The following BCL11A variants were observed in gnomAD, a reference collection of about 807,000 sequenced individuals.
BCL11A encodes B cell CLL/lymphoma 11A.
In BCL11A, 2 loss-of-function variants were observed where a neutral mutation model predicts 55.9. That is an observed-to-expected ratio of 0.04 (90% CI 0.01 to 0.11). The LOEUF is 0.11. BCL11A is among the 10% of genes least tolerant of loss of function. The probability of loss-of-function intolerance (pLI) is 1.00; values close to 1 mark genes in which losing one functional copy is unlikely to be tolerated. For missense variants in BCL11A, 817 were observed against 1,137.1 expected (o/e 0.72, Z 4.05); for synonymous variants, 465 against 473.4 (o/e 0.98, Z 0.23).
At chr2:60,518,773 G>A (rs563513804) in intron 2 of BCL11A, among the ~76,000 whole-genome samples, 13 of 152,280 alleles carry the variant, frequency 8.5e-5, no homozygotes, top group Admixed American at 2.0e-4. Context: ...GGGGCCGGGC[G>A]TGGATTTTAA....
At chr2:60,536,814 G>C (rs750323649) in intron 2 of BCL11A, 1 of 152,266 alleles carries the variant, frequency 6.6e-6, no homozygotes, top group African/African-American at 2.4e-5. Flanking sequence ...CTGGTCAGCA[G>C]TGTGCAGGCA....
At chr2:60,539,690 T>C (rs1669833635) in intron 2 of BCL11A, among the ~76,000 whole-genome samples, 1 of 152,252 alleles carries the variant, frequency 6.6e-6, no homozygotes, top group Non-Finnish European at 1.5e-5. Context: ...TAAATCTGCC[T>C]TTGGTCTCTA....
chr2:60,516,269 T>C (rs913608010), intron 2 of BCL11A, among the ~76,000 whole-genome samples: 10 of 152,204 alleles, frequency 6.6e-5, no homozygotes, highest in Admixed American at 2.6e-4. Context: ...TTAAACACAA[T>C]GACCCACTCC....
At position 60,467,894 on chromosome 2, in the gene BCL11A, A is replaced by G. The variant is rs1182413428; in HGVS notation, c.487+838T>C. Among the ~76,000 whole-genome samples the G allele has an allele frequency of 1.2e-3, 29 of 23,816 alleles. No individual in the cohort carries two copies. In the East Asian group the frequency reaches 0.014, roughly 11 times the overall value. 15.6% of individuals were successfully genotyped at this position (23,816 alleles called of 152,430 possible). A position where few individuals can be genotyped will look rare whatever the true frequency, so the allele number is the denominator to read the frequency against. ...GGTGGTGATGGTGGTGGTGGTAGTG[A>G]TGGTGGTGGTAATGGTGGTGGTGGT... On this transcript the variant is annotated intron_variant, in intron 3 of 3. Coordinates refer to ENST00000642384, the MANE Select transcript of BCL11A (RefSeq NM_022893.4).
In BCL11A at chr2:60,460,837, G is replaced by A. The variant is rs1180503162; in HGVS notation, c.2075C>T (p.Ser692Leu). The A allele has an allele frequency of 6.2e-7, 1 of 1,612,586 alleles. No individual in the cohort carries two copies. Among genetic ancestry groups the A allele is most frequent in the Non-Finnish European group, 8.5e-7 (1 of 1,179,934 alleles). Residue 692 changes from serine to leucine, a missense_variant, in exon 4 of 4, where the codon TCG (serine) becomes TTG (leucine). Coordinates refer to ENST00000642384, the MANE Select transcript of BCL11A (RefSeq NM_022893.4). ...GGAGAAGCGCAAACTCCCGTTCTCCGAGGAGTGCTCCGACGAGGAGGCAAA... is the reference window on the plus strand; with the variant it reads ...GGAGAAGCGCAAACTCCCGTTCTCCAAGGAGTGCTCCGACGAGGAGGCAAA... ...SPFASSSEHS[S>L]ENGSLRFSTP...
intron 3 of BCL11A, among the ~76,000 whole-genome samples, chr2:60,463,441 C>T (rs895658417): frequency 1.3e-5 from 2 of 152,224 alleles, no homozygotes; most frequent in Non-Finnish European, 2.9e-5. Context: ...ATCCTGCGCC[C>T]TCGGCTGGGA....
chr2:60,462,602 T>G (rs1042556691), intron 3 of BCL11A, among the ~76,000 whole-genome samples, 178 bp from the exon 4 acceptor site: 1 of 152,060 alleles, frequency 6.6e-6, no homozygotes, highest in Non-Finnish European at 1.5e-5. Flanking sequence ...CAGTAAATAT[T>G]GGTCCAATTG....
At chr2:60,464,681 A>G (rs1005689178) in intron 3 of BCL11A, among the ~76,000 whole-genome samples, 2 of 152,206 alleles carry the variant, frequency 1.3e-5, no homozygotes, top group African/African-American at 4.8e-5. Flanking sequence ...TCATTGATAA[A>G]TGCCAAAATC....
At chr2:60,455,965 G>A (rs879335091), downstream of BCL11A, among the ~76,000 whole-genome samples, 2 of 151,892 alleles carry the variant, frequency 1.3e-5, no homozygotes, top group Admixed American at 1.3e-4. Context: ...TCAAGGTACC[G>A]CACGCCCACC....
At chr2:60,465,330 A>C (rs1676534974) in intron 3 of BCL11A, among the ~76,000 whole-genome samples, 1 of 152,230 alleles carries the variant, frequency 6.6e-6, no homozygotes, top group African/African-American at 2.4e-5. Context: ...AAATATAATA[A>C]TATTCTTCAT....
At chr2:60,471,486 T>C (rs533378881) in intron 2 of BCL11A, among the ~76,000 whole-genome samples, 2 of 152,350 alleles carry the variant, frequency 1.3e-5, no homozygotes, top group South Asian at 2.1e-4. Context: ...AAATTGTTAA[T>C]AGCCTCCCTA....
chr2:60,514,465 T>C (rs1668636237), intron 2 of BCL11A, among the ~76,000 whole-genome samples: 1 of 140,278 alleles, frequency 7.1e-6, no homozygotes, highest in South Asian at 2.2e-4. Context: ...AAGACCAGCC[T>C]AGCCAACATG....
intron 2 of BCL11A, chr2:60,526,661 C>G (rs1008751832): frequency 2.6e-5 from 4 of 152,144 alleles, no homozygotes; most frequent in African/African-American, 9.7e-5. Context: ...TGAAACAATA[C>G]CAAGCCTTCA....
chr2:60,489,919 A>G (rs1459236234), intron 2 of BCL11A, among the ~76,000 whole-genome samples: 1 of 152,218 alleles, frequency 6.6e-6, no homozygotes, highest in East Asian at 1.9e-4. Context: ...AAATGCTATC[A>G]TGAAACACCA....
rs1313168915 is a variant in BCL11A, at chr2:60,468,016, G to A, written c.487+716C>T. ...TAATGGTGGTGGTGGTGATGGTGGTGGTGGTGGTAGTGGTGGTGATGGTGG... is the reference window on the plus strand; with the variant it reads ...TAATGGTGGTGGTGGTGATGGTGGTAGTGGTGGTAGTGGTGGTGATGGTGG... On this transcript the variant is annotated intron_variant, in intron 3 of 3. Transcript: ENST00000642384. 1.9e-3 allele frequency among the ~76,000 whole-genome samples: 22 copies of A among 11,370 alleles called. 1 individual carries two copies. Among genetic ancestry groups the A allele is most frequent in the East Asian group, 0.012 (2 of 164 alleles). 7.5% of individuals were successfully genotyped at this position (11,370 alleles called of 152,430 possible).
At chr2:60,545,851 C>A (rs1670124408) in intron 2 of BCL11A, 120 bp downstream of exon 2, 2 of 787,248 alleles carry the variant, frequency 2.5e-6, no homozygotes, top group Non-Finnish European at 4.2e-6. Context: ...ACAGGGCTGT[C>A]ATGGACAGTC....
intron 2 of BCL11A, among the ~76,000 whole-genome samples, chr2:60,510,114 G>A (rs545293193): frequency 9.2e-5 from 14 of 152,230 alleles, no homozygotes; most frequent in African/African-American, 2.9e-4. Context: ...TTTGCCTTCT[G>A]ACTGCTTCTG....
At chr2:60,501,739 C>A (rs1341007014) in intron 2 of BCL11A, among the ~76,000 whole-genome samples, 1 of 151,984 alleles carries the variant, frequency 6.6e-6, no homozygotes, top group Admixed American at 6.6e-5. Context: ...CTCTTGACCT[C>A]AGGTGATCTA....
At chr2:60,464,606 C>T (rs1269223615) in intron 3 of BCL11A, among the ~76,000 whole-genome samples, 2 of 152,192 alleles carry the variant, frequency 1.3e-5, no homozygotes, top group Non-Finnish European at 2.9e-5. Context: ...TATAAAACAT[C>T]GATTGAAATC....
Sources: gnomAD v4.1 joint callset for allele counts (sites outside exome capture counted in the v4.1 genomes callset) on GRCh38, gnomAD v4.1.1 for gene constraint, MANE v1.5 for transcripts, NCBI Gene and HGNC (gene_info 2026-07-23, HGNC 2026-07-21) for gene names.